The following CNTNAP4 variants were observed in gnomAD, a reference collection of about 807,000 sequenced individuals.
CNTNAP4 encodes the protein contactin-associated protein-like 4.
In CNTNAP4, 98 loss-of-function variants were observed where a neutral mutation model predicts 148.4. The ratio of observed to expected loss-of-function variants is 0.66; its 90% CI spans 0.56 to 0.78. CNTNAP4 has a LOEUF of 0.78. Ranked by LOEUF, CNTNAP4 falls within the 30% of genes least tolerant of loss-of-function variation. CNTNAP4 has a pLI of 0.00. For synonymous variants in CNTNAP4, 730 were observed against 565.1 expected, an observed-to-expected ratio of 1.29 and a Z score of -4.14; for missense variants, 1,935 against 1,565.6, an observed-to-expected ratio of 1.24 and a Z score of -3.98.
intron 4 of CNTNAP4, among the ~76,000 whole-genome samples, chr16:76,440,693 C>G (rs573844284): frequency 6.6e-6 from 1 of 152,204 alleles, no homozygotes; most frequent in South Asian, 2.1e-4. Context: ...TCCAGAGATT[C>G]TAATTTGGTG....
intron 12 of CNTNAP4, among the ~76,000 whole-genome samples, chr16:76,488,210 C>T (rs906854217): frequency 6.6e-6 from 1 of 152,066 alleles, no homozygotes; most frequent in African/African-American, 2.4e-5. Context: ...TCAGATTTTA[C>T]CTGACTTTCC....
rs115297940 is a variant in CNTNAP4 at position 76,413,870 on chromosome 16, A to C, written c.391-13582A>C. Among the ~76,000 whole-genome samples, 1,052 of 151,420 alleles carry C rather than the reference A, an allele frequency of 6.9e-3. 7 individuals carry two copies. The highest frequency in any genetic ancestry group is 0.024 in the African/African-American group (976 of 41,478). On this transcript the variant is annotated intron_variant, in intron 3 of 23. Coordinates refer to ENST00000611870, the MANE Select transcript of CNTNAP4 (RefSeq NM_033401.5). ...GATACTAATGTAAATGTCATTCAAA[A>C]ATTTCACTTTCTGTTGCTTTTGTAT...
chr16:76,298,509 TG>T, intron 1 of CNTNAP4, among the ~76,000 whole-genome samples: 1 of 150,536 alleles, frequency 6.6e-6, no homozygotes, highest in African/African-American at 2.4e-5. Context: ...TGTGTGTGTG[TG>T]TGTGTGTGTG....
At chr16:76,310,008 AT>A (rs1431796599) in intron 1 of CNTNAP4, 15 of 634,148 alleles carry the variant, frequency 2.4e-5, no homozygotes, top group South Asian at 1.9e-4. Flanking sequence ...AGGAGTTATT[AT>A]TTGGCTTCTT....
intron 3 of CNTNAP4, among the ~76,000 whole-genome samples, chr16:76,424,498 A>T (rs1295310988): frequency 3.3e-5 from 5 of 152,172 alleles, no homozygotes; most frequent in Admixed American, 3.3e-4. Context: ...TCACGCCTGT[A>T]ATCCTAACAC....
intron 8 of CNTNAP4, among the ~76,000 whole-genome samples, chr16:76,457,232 C>G (rs777339412): frequency 6.6e-6 from 1 of 152,120 alleles, no homozygotes; most frequent in Non-Finnish European, 1.5e-5. Flanking sequence ...TGTATAGCTA[C>G]AAAACAATTA....
At chr16:76,557,097 A>G (rs1005873261) in intron 23 of CNTNAP4, among the ~76,000 whole-genome samples, 3 of 152,230 alleles carry the variant, frequency 2.0e-5, no homozygotes, top group Non-Finnish European at 4.4e-5. Context: ...AGAAAATGAC[A>G]TTAGTTTGTA....
chr16:76,511,802 T>TA, intron 15 of CNTNAP4, among the ~76,000 whole-genome samples: 1 of 150,988 alleles, frequency 6.6e-6, no homozygotes, highest in Middle Eastern at 3.4e-3. Flanking sequence ...ACAAAATAGA[T>TA]AAAAATATCG....
chr16:76,374,720 A>C (rs915799219), intron 3 of CNTNAP4, among the ~76,000 whole-genome samples: 12 of 150,274 alleles, frequency 8.0e-5, no homozygotes, highest in Non-Finnish European at 1.3e-4. Context: ...AAGTTGAATA[A>C]AGTATATACT....
chr16:76,526,712 C>T (rs1464199867), intron 17 of CNTNAP4, among the ~76,000 whole-genome samples: 1 of 152,084 alleles, frequency 6.6e-6, no homozygotes, highest in Non-Finnish European at 1.5e-5. Context: ...CTCACTATGT[C>T]ACTCAAACTG....
At chr16:76,449,898 TC>T in intron 7 of CNTNAP4, 40 bp downstream of exon 7, 1 of 1,539,532 alleles carries the variant, frequency 6.5e-7, no homozygotes, top group Non-Finnish European at 8.7e-7. Flanking sequence ...AAACTATATT[TC>T]TTTTTTCCAC....
chr16:76,380,869 G>A (rs1017389198), intron 3 of CNTNAP4, among the ~76,000 whole-genome samples: 1 of 152,084 alleles, frequency 6.6e-6, no homozygotes, highest in African/African-American at 2.4e-5. Context: ...ATCAATATGT[G>A]TACCTTAGAA....
intron 3 of CNTNAP4, among the ~76,000 whole-genome samples, chr16:76,384,392 G>A (rs8055735): frequency 0.023 from 3,461 of 152,118 alleles, 130 homozygotes; most frequent in African/African-American, 0.079. Context: ...GTTAAGGCTG[G>A]CAGTAATGAG....
chr16:76,370,889 A>G (rs143806892), intron 3 of CNTNAP4, among the ~76,000 whole-genome samples: 1 of 152,158 alleles, frequency 6.6e-6, no homozygotes, highest in Non-Finnish European at 1.5e-5. Flanking sequence ...CCCTAAATTT[A>G]TGTTAACTAG....
intron 15 of CNTNAP4, among the ~76,000 whole-genome samples, chr16:76,505,111 A>C (rs1428425254): frequency 6.6e-6 from 1 of 152,178 alleles, no homozygotes; most frequent in Non-Finnish European, 1.5e-5. Context: ...TCCCCATCTT[A>C]GGATTTTATC....
intron 4 of CNTNAP4, among the ~76,000 whole-genome samples, chr16:76,447,224 C>T (rs942470148): frequency 1.3e-5 from 2 of 151,852 alleles, no homozygotes; most frequent in Admixed American, 6.6e-5. Flanking sequence ...GTGGGAGGGT[C>T]GCTTGAGCCT....
chr16:76,364,622 C>T lies in CNTNAP4; in HGVS notation c.390+9111C>T, dbSNP rs1031133022. The stretch of plus-strand genomic sequence containing the variant: ...ACATCTGCTTTTTGGCTGCTTCATT[C>T]CCCAGGAGGCTACATTTTGCATTTT... On this transcript the variant is annotated intron_variant, in intron 3 of 23. Coordinates refer to ENST00000611870, the MANE Select transcript of CNTNAP4 (RefSeq NM_033401.5). Among the ~76,000 whole-genome samples, 9 of 152,276 alleles carry T rather than the reference C, an allele frequency of 5.9e-5. No homozygotes were observed. In the East Asian group the frequency reaches 1.7e-3, roughly 29 times the overall value.
chr16:76,524,671 A>G (rs142757361), intron 17 of CNTNAP4, among the ~76,000 whole-genome samples: 1 of 152,298 alleles, frequency 6.6e-6, no homozygotes, highest in African/African-American at 2.4e-5. Flanking sequence ...TACAATTTTA[A>G]TAAGGATCTG....
At chr16:76,295,005 A>C in intron 1 of CNTNAP4, among the ~76,000 whole-genome samples, 1 of 152,168 alleles carries the variant, frequency 6.6e-6, no homozygotes, top group East Asian at 1.9e-4. Flanking sequence ...TCTTACAGGC[A>C]ATGTGCTCAG....
Sources: allele counts gnomAD v4.1 joint callset (sites outside exome capture counted in the v4.1 genomes callset), GRCh38; gene constraint gnomAD v4.1.1; transcripts MANE v1.5; gene names NCBI Gene and HGNC (gene_info 2026-07-23, HGNC 2026-07-21).